Variants in ADGRL3 observed in about 807,000 individuals in gnomAD.
ADGRL3 encodes the protein calcium-independent alpha-latrotoxin receptor 3.
A neutral mutation model predicts 153.5 loss-of-function variants in ADGRL3; 62 were observed. The observed-to-expected ratio is 0.40, with a 90% CI of 0.33 to 0.50. ADGRL3 has a LOEUF of 0.50. ADGRL3 is among the 20% of genes least tolerant of loss of function. The probability of loss-of-function intolerance (pLI) is 0.47; values close to 1 mark genes in which losing one functional copy is unlikely to be tolerated. For missense variants in ADGRL3, 1,641 were observed against 1,859.4 expected, an observed-to-expected ratio of 0.88 and a Z score of 2.16; for synonymous variants, 710 against 672.5, an observed-to-expected ratio of 1.06 and a Z score of -0.86.
chr4:61,223,622 T>A (rs1159610977), intron 1 of ADGRL3, among the ~76,000 whole-genome samples: 1 of 152,240 alleles, frequency 6.6e-6, no homozygotes, highest in East Asian at 1.9e-4. Context: ...GGTAACAACC[T>A]ATATTTGATT....
At chr4:61,481,204 C>A (rs760016739) in intron 2 of ADGRL3, among the ~76,000 whole-genome samples, 8 of 152,114 alleles carry the variant, frequency 5.3e-5, no homozygotes, top group Non-Finnish European at 8.8e-5. Flanking sequence ...TTTCTTCATT[C>A]TTGCTAAAAT....
chr4:61,809,048 T>C (rs2097580451), intron 8 of ADGRL3, among the ~76,000 whole-genome samples: 1 of 151,998 alleles, frequency 6.6e-6, no homozygotes, highest in South Asian at 2.1e-4. Context: ...AAATGTCATA[T>C]CTCTAGAGTA....
intron 1 of ADGRL3, among the ~76,000 whole-genome samples, chr4:61,216,523 T>C (rs1742855688): frequency 6.6e-6 from 1 of 151,888 alleles, no homozygotes; most frequent in Non-Finnish European, 1.5e-5. Context: ...TTTTACTCCT[T>C]TTTTTTTCTT....
intron 6 of ADGRL3, among the ~76,000 whole-genome samples, chr4:61,724,595 G>A (rs1432702219): frequency 6.6e-6 from 1 of 152,150 alleles, no homozygotes; most frequent in African/African-American, 2.4e-5. Context: ...TACTTGAGCA[G>A]CACTTTTATT....
chr4:61,462,068 A>T (rs7698551), intron 2 of ADGRL3, among the ~76,000 whole-genome samples: 7,825 of 152,256 alleles, frequency 0.051, 691 homozygotes, highest in African/African-American at 0.18. Flanking sequence ...ATAAAATTTA[A>T]ACCTGACCTT....
chr4:61,392,701 A>AAAAAAGAAAAAG (rs1560565642), intron 2 of ADGRL3, among the ~76,000 whole-genome samples: 4 of 146,292 alleles, frequency 2.7e-5, no homozygotes, highest in African/African-American at 9.9e-5. Flanking sequence ...AAAAAAAAAA[A>AAAAAAGAAAAAG]AAAAAGAAAA....
At chr4:61,718,327 C>T (rs1332158928) in intron 6 of ADGRL3, among the ~76,000 whole-genome samples, 1 of 151,786 alleles carries the variant, frequency 6.6e-6, no homozygotes, top group Non-Finnish European at 1.5e-5. Context: ...GATAGAAAAC[C>T]CTTGGATTTA....
At chr4:61,790,952 C>G (rs2097334266) in intron 8 of ADGRL3, among the ~76,000 whole-genome samples, 1 of 152,122 alleles carries the variant, frequency 6.6e-6, no homozygotes, top group Admixed American at 6.5e-5. Context: ...AAAGACCCAC[C>G]CCCATGATTC....
In ADGRL3 at chr4:61,456,458, TATATAG is replaced by T. The variant is rs1560665186; in HGVS notation, c.-173-40657_-173-40652del. On this transcript the variant is annotated intron_variant, in intron 2 of 26. Transcript: ENST00000683033. ...ATATATAGATATATCTATATCTATA[TATATAG>T]ATATATCTATATCTATATATATAGA... Among the ~76,000 whole-genome samples the T allele has an allele frequency of 2.8e-3, 358 of 126,606 alleles. 4 individuals carry two copies. Among genetic ancestry groups the T allele is most frequent in the African/African-American group, 0.01 (331 of 32,910 alleles). The allele number at this position is 126,606 out of a possible 152,430, so 83.1% of individuals were successfully genotyped here. A position where few individuals can be genotyped will look rare whatever the true frequency, so the allele number is the denominator to read the frequency against.
chr4:61,438,753 G>A (rs1032769294), intron 2 of ADGRL3, among the ~76,000 whole-genome samples: 1 of 150,228 alleles, frequency 6.7e-6, no homozygotes, highest in Non-Finnish European at 1.5e-5. Context: ...TGTCGCCCAG[G>A]CTGGAGTGCA....
At chr4:61,247,644 G>A (rs1295237730) in intron 1 of ADGRL3, among the ~76,000 whole-genome samples, 1 of 151,942 alleles carries the variant, frequency 6.6e-6, no homozygotes, top group Non-Finnish European at 1.5e-5. Context: ...TTAAACAACG[G>A]AAGGATACTT....
At chr4:61,346,342 C>CACA (rs2095906851) in intron 1 of ADGRL3, among the ~76,000 whole-genome samples, 1 of 150,112 alleles carries the variant, frequency 6.7e-6, no homozygotes, top group Admixed American at 6.6e-5. Flanking sequence ...CACACACACA[C>CACA]AGCTCTGTCA....
chr4:61,682,788 A>T (rs2095364947), intron 6 of ADGRL3, among the ~76,000 whole-genome samples: 1 of 152,004 alleles, frequency 6.6e-6, no homozygotes, highest in Middle Eastern at 3.2e-3. Flanking sequence ...AGTTATTCTC[A>T]ACTAGATTAT....
chr4:61,325,466 G>A (rs1394490029), intron 1 of ADGRL3, among the ~76,000 whole-genome samples: 2 of 152,164 alleles, frequency 1.3e-5, no homozygotes, highest in African/African-American at 4.8e-5. Context: ...ATCAGCAAGT[G>A]GAAAGAACTT....
At chr4:61,740,650 T>C (rs1289555266) in intron 8 of ADGRL3, among the ~76,000 whole-genome samples, 1 of 152,220 alleles carries the variant, frequency 6.6e-6, no homozygotes. Context: ...TAGGTTCAAA[T>C]TGGTAATAAC....
At chr4:61,725,161 T>G (rs554289269) in intron 6 of ADGRL3, among the ~76,000 whole-genome samples, 1 of 152,306 alleles carries the variant, frequency 6.6e-6, no homozygotes, top group East Asian at 1.9e-4. Context: ...TTTTATCTTA[T>G]TGAACATCAA....
At chr4:61,377,097 G>A (rs905221270) in intron 1 of ADGRL3, among the ~76,000 whole-genome samples, 23 of 151,990 alleles carry the variant, frequency 1.5e-4, no homozygotes, top group African/African-American at 4.6e-4. Context: ...ACCTCAGCAC[G>A]GGTTCTTCCG....
At chr4:61,398,924 AC>A (rs1480006877) in intron 2 of ADGRL3, among the ~76,000 whole-genome samples, 3 of 151,244 alleles carry the variant, frequency 2.0e-5, no homozygotes, top group African/African-American at 7.3e-5. Flanking sequence ...ACTTCCCACA[AC>A]CCCCACCAAA....
chr4:61,428,913 CTATCT>C (rs2097320596), intron 2 of ADGRL3, among the ~76,000 whole-genome samples: 1 of 149,952 alleles, frequency 6.7e-6, no homozygotes, highest in African/African-American at 2.5e-5. Flanking sequence ...ATCTATCTAT[CTATCT>C]ATCTATCTAT....
Sources: allele counts gnomAD v4.1 joint callset (sites outside exome capture counted in the v4.1 genomes callset), GRCh38; gene constraint gnomAD v4.1.1; transcripts MANE v1.5; gene names NCBI Gene and HGNC (gene_info 2026-07-23, HGNC 2026-07-21).